Variants in CACNA2D2 observed in about 807,000 individuals in gnomAD.
CACNA2D2 encodes calcium voltage-gated channel auxiliary subunit alpha2delta 2, also known as voltage-dependent calcium channel subunit alpha-2/delta-2.
A neutral mutation model predicts 166.4 loss-of-function variants in CACNA2D2; 48 were observed. That is an observed-to-expected ratio of 0.29 (90% CI 0.23 to 0.37). The LOEUF (loss-of-function observed/expected upper bound fraction) is 0.37. Among genes scored for constraint, CACNA2D2 ranks in the 10% least tolerant of loss-of-function variants. The pLI, the probability that CACNA2D2 is intolerant of heterozygous loss-of-function variation, is 1.00. For missense variants in CACNA2D2, 1,122 were observed against 1,433.0 expected (o/e 0.78, Z 3.50); for synonymous variants, 561 against 573.7 (o/e 0.98, Z 0.32).
intron 3 of CACNA2D2, chr3:50,415,819 C>T (rs1219827261): frequency 6.6e-6 from 1 of 152,286 alleles, no homozygotes; most frequent in East Asian, 1.9e-4. Context: ...TGCACAGACA[C>T]TCCAGTGCAT....
chr3:50,364,366 T>C lies in CACNA2D2; in HGVS notation c.*300A>G. 5.2e-6 allele frequency: 2 copies of C among 383,624 alleles called. No homozygotes were observed. Among genetic ancestry groups the C allele is most frequent in the Non-Finnish European group, 9.3e-6 (2 of 214,352 alleles). The allele number at this position is 383,624 out of a possible 1,614,324, so 23.8% of individuals were successfully genotyped here. On this transcript the variant is annotated 3_prime_UTR_variant, in exon 38 of 38. Transcript: ENST00000424201. ...GAAGGGCGGCAGCAGAGGCCTGGTT[T>C]TGGCACCAGTGCGTGTGGCCTCCCT...
chr3:50,424,946 C>T (rs1707739854), intron 3 of CACNA2D2, among the ~76,000 whole-genome samples: 1 of 152,102 alleles, frequency 6.6e-6, no homozygotes, highest in Admixed American at 6.5e-5. Context: ...GTCTGTGGCA[C>T]TGGCCTTCCC....
chr3:50,479,728 C>A (rs550132520), intron 1 of CACNA2D2, among the ~76,000 whole-genome samples: 103 of 152,332 alleles, frequency 6.8e-4, no homozygotes, highest in African/African-American at 2.3e-3. Flanking sequence ...TCCCTGCCCC[C>A]ACTGGGTCAA....
intron 22 of CACNA2D2, chr3:50,373,017 A>G (rs1357681245): frequency 8.3e-7 from 1 of 1,205,536 alleles, no homozygotes; most frequent in Non-Finnish European, 1.1e-6. Context: ...GGGCGTGAGG[A>G]TGGGAGGGGT....
In CACNA2D2 at chr3:50,375,977, C is replaced by G. The variant is rs964861102; in HGVS notation, c.1759G>C (p.Glu587Gln). 1 of 1,613,262 alleles carries G rather than the reference C, an allele frequency of 6.2e-7. No homozygotes were observed. The highest frequency in any genetic ancestry group is 8.5e-7 in the Non-Finnish European group (1 of 1,180,018). The stretch of plus-strand genomic sequence containing the variant: ...CCTCTCCTTACCTCTTCCTTGTTCT[C>G]ATCCTCTAGCTCCGCATCCAGGAAG... ...LDFLDAELED[E>Q]NKEEIRRSMI... Residue 587 changes from glutamate (E) to glutamine (Q), a missense_variant, in exon 19 of 38, where the codon GAG (glutamate) becomes CAG (glutamine). Coordinates refer to ENST00000424201, the MANE Select transcript of CACNA2D2 (RefSeq NM_006030.4). The surrounding 1 kb of genome is among the most constrained non-coding windows in gnomAD (Gnocchi z 4.0).
chr3:50,491,624 A>C (rs1698526166), intron 1 of CACNA2D2, among the ~76,000 whole-genome samples: 1 of 152,188 alleles, frequency 6.6e-6, no homozygotes, highest in Admixed American at 6.5e-5. Context: ...GCCCTGCCTG[A>C]CTACTCTGTG....
chr3:50,476,917 T>G (rs1430346219), intron 1 of CACNA2D2, among the ~76,000 whole-genome samples: 1 of 150,222 alleles, frequency 6.7e-6, no homozygotes, highest in African/African-American at 2.5e-5. Flanking sequence ...GGATTGCTCT[T>G]TGTTTCTTTT....
rs1356619832 is a variant in CACNA2D2, at chr3:50,468,379, TAGTGTGTGTGTG to T, written c.288+7727_288+7738del. ...AAGAGAACCAGCAAGTTCATCAGAATAGTGTGTGTGTGTGTGTGTGTGTGTGTGTGTGTGTGT... is the reference window on the plus strand; with the variant it reads ...AAGAGAACCAGCAAGTTCATCAGAATTGTGTGTGTGTGTGTGTGTGTGTGT... On this transcript the variant is annotated intron_variant, in intron 2 of 37. Transcript: ENST00000424201. 1.7e-4 allele frequency among the ~76,000 whole-genome samples: 12 copies of T among 68,920 alleles called. 1 individual carries two copies. The highest frequency in any genetic ancestry group is 5.8e-4 in the African/African-American group (12 of 20,594). The allele number at this position is 68,920 out of a possible 152,430, so 45.2% of individuals were successfully genotyped here. A position where few individuals can be genotyped will look rare whatever the true frequency, so the allele number is the denominator to read the frequency against.
intron 3 of CACNA2D2, among the ~76,000 whole-genome samples, chr3:50,399,064 T>C (rs548922460): frequency 1.1e-4 from 16 of 152,244 alleles, no homozygotes; most frequent in Admixed American, 9.8e-4. Context: ...ACACCTGGGA[T>C]AGGAAGGCCC....
intron 17 of CACNA2D2, 83 bp downstream of exon 17, chr3:50,377,384 G>GTAA (rs1705046498): frequency 8.7e-7 from 1 of 1,152,902 alleles, no homozygotes; most frequent in East Asian, 2.5e-5. Context: ...TGGAGGCGCT[G>GTAA]TAATACCCAT....
chr3:50,474,822 G>A (rs572672052), intron 2 of CACNA2D2, among the ~76,000 whole-genome samples: 2 of 152,274 alleles, frequency 1.3e-5, no homozygotes, highest in Admixed American at 1.3e-4. Flanking sequence ...CTCCTGTTCC[G>A]GAACAGCTTT....
chr3:50,420,389 G>C (rs2106835900), intron 3 of CACNA2D2, among the ~76,000 whole-genome samples: 1 of 152,330 alleles, frequency 6.6e-6, no homozygotes, highest in East Asian at 1.9e-4. Flanking sequence ...GGAGTGGTGG[G>C]GGCTCAGCAG....
In CACNA2D2 at chr3:50,383,176, G is replaced by GC. The variant is rs1338356736; in HGVS notation, c.652+1019dup. Among the ~76,000 whole-genome samples the GC allele has an allele frequency of 1.2e-4, 18 of 152,348 alleles. No homozygotes were observed. In the South Asian group the frequency reaches 1.5e-3, roughly 12 times the overall value. On this transcript the variant is annotated intron_variant, in intron 6 of 37. Transcript: ENST00000424201. The stretch of plus-strand genomic sequence containing the variant: ...AATTAGTGTGCCTGCCTGTGATAGT[G>GC]CCCCTCGACTGGCTCGGGCAGGTGG...
Position 50,486,202 on chromosome 3 carries a change from C to T in CACNA2D2, c.207-10003G>A, listed in dbSNP as rs527797073. Among the ~76,000 whole-genome samples, 9 of 152,324 alleles carry T rather than the reference C, an allele frequency of 5.9e-5. No homozygotes were observed. In the South Asian group the frequency reaches 1.5e-3, roughly 25 times the overall value. On this transcript the variant is annotated intron_variant, in intron 1 of 37. Transcript: ENST00000424201. Reference sequence around the variant, plus strand: ...CACGCCCAGGCCTCACCTCAGAGAGCACAGTAGGGTTGGGACACCTGTGGA... The same window carrying T: ...CACGCCCAGGCCTCACCTCAGAGAGTACAGTAGGGTTGGGACACCTGTGGA...
chr3:50,465,220 C>T (rs1232846304), intron 2 of CACNA2D2, among the ~76,000 whole-genome samples: 1 of 152,236 alleles, frequency 6.6e-6, no homozygotes, highest in Non-Finnish European at 1.5e-5. Context: ...AGATAGAATA[C>T]GTACAAATTA....
At chr3:50,406,092 C>A (rs1215176464) in intron 3 of CACNA2D2, among the ~76,000 whole-genome samples, 1 of 151,812 alleles carries the variant, frequency 6.6e-6, no homozygotes, top group Non-Finnish European at 1.5e-5. Context: ...GCCCCTGCCC[C>A]CTGGTCTGGG....
At chr3:50,393,009 G>A (rs113806935) in intron 4 of CACNA2D2, among the ~76,000 whole-genome samples, 1,751 of 152,282 alleles carry the variant, frequency 0.011, 32 homozygotes, top group African/African-American at 0.04. Context: ...GGCAAGGTGA[G>A]GCAGCCTCAG....
intron 3 of CACNA2D2, among the ~76,000 whole-genome samples, chr3:50,399,518 C>T (rs189186653): frequency 2.6e-4 from 40 of 152,170 alleles, no homozygotes; most frequent in Middle Eastern, 6.8e-3. Flanking sequence ...AGAATGTTGC[C>T]GAGGGCTGCA....
chr3:50,471,773 C>T (rs940643094), intron 2 of CACNA2D2, among the ~76,000 whole-genome samples: 1 of 152,170 alleles, frequency 6.6e-6, no homozygotes, highest in African/African-American at 2.4e-5. Flanking sequence ...TTGGTCAGTG[C>T]CGGGAGCCAG....
Sources: allele counts gnomAD v4.1 joint callset (sites outside exome capture counted in the v4.1 genomes callset), GRCh38; gene constraint gnomAD v4.1.1; non-coding constraint Gnocchi (gnomAD v3.1); transcripts MANE v1.5; gene names NCBI Gene and HGNC (gene_info 2026-07-23, HGNC 2026-07-21).